CTNND2: variants seen among roughly 807,000 people sequenced by gnomAD.
CTNND2 encodes catenin delta 2, also known as catenin delta-2.
A neutral mutation model predicts 144.4 loss-of-function variants in CTNND2; 22 were observed. The ratio of observed to expected loss-of-function variants is 0.15; its 90% confidence interval spans 0.11 to 0.22. The LOEUF (loss-of-function observed/expected upper bound fraction) is 0.22, where lower values mean the gene tolerates loss of function less well. Among genes scored for constraint, CTNND2 ranks in the 10% least tolerant of loss-of-function variants. The pLI is 1.00. For missense variants in CTNND2, 1,353 were observed against 1,618.8 expected (o/e 0.84, Z 2.82); for synonymous variants, 751 against 695.6 (o/e 1.08, Z -1.25).
chr5:10,971,959 G>A lies in CTNND2; in HGVS notation c.*1494C>T, dbSNP rs555702537. On this transcript the variant is annotated 3_prime_UTR_variant, in exon 22 of 22. Transcript: ENST00000304623. ...TTTACCCGCGGCCCATGTTCTTTTC[G>A]ATGGTTAGCCTTATTTCTTAGCTCT... 6.5e-6 allele frequency: 1 copy of A among 152,734 alleles called. No homozygotes were observed. The highest frequency in any genetic ancestry group is 2.4e-5 in the African/African-American group (1 of 41,572). 9.5% of individuals were successfully genotyped at this position (152,734 alleles called of 1,614,324 possible).
chr5:11,557,535 A>G (rs560305954), intron 3 of CTNND2, among the ~76,000 whole-genome samples: 1 of 152,252 alleles, frequency 6.6e-6, no homozygotes, highest in East Asian at 1.9e-4. Flanking sequence ...CCAGCACCAG[A>G]TAATTTATCT....
chr5:11,625,507 A>T (rs1488347381), intron 2 of CTNND2, among the ~76,000 whole-genome samples: 1 of 152,098 alleles, frequency 6.6e-6, no homozygotes, highest in African/African-American at 2.4e-5. Flanking sequence ...ATGTAAAATT[A>T]TAAAACCTCT....
At chr5:11,146,212 A>G (rs1217347824) in intron 12 of CTNND2, among the ~76,000 whole-genome samples, 1 of 152,202 alleles carries the variant, frequency 6.6e-6, no homozygotes, top group African/African-American at 2.4e-5. Flanking sequence ...TAGAAATTCA[A>G]GATATGTTTG....
chr5:11,243,725 A>T (rs1742690520), intron 9 of CTNND2, among the ~76,000 whole-genome samples: 1 of 152,230 alleles, frequency 6.6e-6, no homozygotes, highest in Non-Finnish European at 1.5e-5. Flanking sequence ...ACAGCTAAAC[A>T]GCCAACAGTT....
intron 3 of CTNND2, among the ~76,000 whole-genome samples, chr5:11,540,654 C>A (rs1160436027): frequency 6.6e-6 from 1 of 152,070 alleles, no homozygotes; most frequent in Non-Finnish European, 1.5e-5. Flanking sequence ...GGACTACAGG[C>A]GTGCATCACC....
chr5:11,370,370 C>T (rs1442492799), intron 7 of CTNND2, among the ~76,000 whole-genome samples: 1 of 152,118 alleles, frequency 6.6e-6, no homozygotes, highest in Non-Finnish European at 1.5e-5. Context: ...CCCGAGCCTC[C>T]TGGTTCTAAT....
At chr5:11,574,300 A>G (rs972635091) in intron 2 of CTNND2, among the ~76,000 whole-genome samples, 4 of 152,070 alleles carry the variant, frequency 2.6e-5, no homozygotes, top group East Asian at 1.9e-4. Flanking sequence ...ATTTATTCCA[A>G]TGTTGACTCA....
intron 1 of CTNND2, among the ~76,000 whole-genome samples, chr5:11,826,341 TAAAAG>T (rs1358830645): frequency 2.0e-5 from 3 of 151,762 alleles, no homozygotes; most frequent in African/African-American, 7.3e-5. Flanking sequence ...TAGGTAAAAA[TAAAAG>T]AAAGAGCTAG....
intron 2 of CTNND2, among the ~76,000 whole-genome samples, chr5:11,712,882 T>C (rs891474563): frequency 7.9e-5 from 12 of 152,172 alleles, no homozygotes; most frequent in African/African-American, 1.4e-4. Context: ...GTATATGCCA[T>C]AGTGAAAATG....
chr5:11,136,441 G>A (rs1341910416), intron 12 of CTNND2, among the ~76,000 whole-genome samples: 1 of 151,952 alleles, frequency 6.6e-6, no homozygotes, highest in Admixed American at 6.6e-5. Flanking sequence ...AAAAAGGCAA[G>A]AATGAAAAAA....
chr5:11,499,020 T>G (rs915640499), intron 3 of CTNND2, among the ~76,000 whole-genome samples: 2 of 152,180 alleles, frequency 1.3e-5, no homozygotes, highest in Non-Finnish European at 2.9e-5. Context: ...CTTTCTTCTG[T>G]GCAGGGTGTT....
chr5:11,612,472 T>C (rs1780379269), intron 2 of CTNND2, among the ~76,000 whole-genome samples: 1 of 152,234 alleles, frequency 6.6e-6, no homozygotes, highest in Admixed American at 6.5e-5. Context: ...GCTATGTACC[T>C]TCTTCGTTCT....
At chr5:11,496,431 G>A (rs1411873599) in intron 3 of CTNND2, among the ~76,000 whole-genome samples, 2 of 152,174 alleles carry the variant, frequency 1.3e-5, no homozygotes, top group Non-Finnish European at 1.5e-5. Context: ...TTCTTCACAG[G>A]ACTAGTCCAA....
chr5:11,296,496 A>G (rs1186223666), intron 9 of CTNND2, among the ~76,000 whole-genome samples: 1 of 152,166 alleles, frequency 6.6e-6, no homozygotes, highest in Non-Finnish European at 1.5e-5. Flanking sequence ...TATACCCAAA[A>G]GATTATAAAA....
chr5:11,566,116 A>C (rs984192297), intron 2 of CTNND2, among the ~76,000 whole-genome samples: 2 of 152,172 alleles, frequency 1.3e-5, no homozygotes, highest in Non-Finnish European at 2.9e-5. Context: ...TGAGGTCTTT[A>C]AAAAGTAGAA....
intron 12 of CTNND2, among the ~76,000 whole-genome samples, chr5:11,144,772 G>C (rs1050178876): frequency 7.2e-5 from 11 of 152,098 alleles, no homozygotes; most frequent in African/African-American, 2.4e-4. Context: ...GTTGTTTTAC[G>C]GAGTGAGGTT....
chr5:11,102,660 A>C (rs1003056045), intron 14 of CTNND2, among the ~76,000 whole-genome samples: 5 of 152,254 alleles, frequency 3.3e-5, no homozygotes, highest in African/African-American at 4.8e-5. Context: ...ATAGAATTGA[A>C]AATATGTATT....
intron 3 of CTNND2, among the ~76,000 whole-genome samples, chr5:11,487,484 G>A (rs1768941345): frequency 6.6e-6 from 1 of 151,918 alleles, no homozygotes; most frequent in African/African-American, 2.4e-5. Flanking sequence ...CAAATCACAT[G>A]AACAGCCCAG....
At chr5:11,050,330 C>T (rs1745701834) in intron 16 of CTNND2, among the ~76,000 whole-genome samples, 1 of 152,132 alleles carries the variant, frequency 6.6e-6, no homozygotes, top group South Asian at 2.1e-4. Context: ...TCAATGTTTC[C>T]CTTTGGTTAA....
Sources: gnomAD v4.1 joint callset for allele counts (sites outside exome capture counted in the v4.1 genomes callset) on GRCh38, gnomAD v4.1.1 for gene constraint, MANE v1.5 for transcripts, NCBI Gene and HGNC (gene_info 2026-07-23, HGNC 2026-07-21) for gene names.